Variants in SLC25A15 observed in about 807,000 individuals in gnomAD.
The protein encoded by SLC25A15 is solute carrier family 25 member 15, also known as mitochondrial ornithine transporter 1.
SLC25A15 carries 24 observed loss-of-function variants against 32.3 expected under a neutral mutation model. The observed-to-expected ratio is 0.74, with a 90% CI of 0.54 to 1.04. The LOEUF (loss-of-function observed/expected upper bound fraction) is 1.04, where lower values mean the gene tolerates loss of function less well. Ranked by LOEUF, SLC25A15 falls within the 50% of genes least tolerant of loss-of-function variation. SLC25A15 has a pLI of 0.00. For missense variants in SLC25A15, 317 were observed against 374.5 expected (o/e 0.85, Z 1.27); for synonymous variants, 132 against 142.1 (o/e 0.93, Z 0.51).
At chr13:40,800,412 A>G (rs940637181) in intron 3 of SLC25A15, among the ~76,000 whole-genome samples, 1 of 152,216 alleles carries the variant, frequency 6.6e-6, no homozygotes, top group Non-Finnish European at 1.5e-5. Flanking sequence ...GGCACAAACC[A>G]GGAGAGTATG....
chr13:40,793,432 C>G, intron 2 of SLC25A15, 151 bp downstream of exon 2: 1 of 752,782 alleles, frequency 1.3e-6, no homozygotes, highest in Non-Finnish European at 2.3e-6. Context: ...TTATAGTTGC[C>G]TGCAACATCC....
intron 2 of SLC25A15, among the ~76,000 whole-genome samples, chr13:40,797,826 T>C (rs925126814): frequency 4.7e-4 from 71 of 152,200 alleles, no homozygotes; most frequent in African/African-American, 1.5e-3. Flanking sequence ...CTGTAAGCCT[T>C]CTTTTGCATT....
chr13:40,797,391 C>T (rs1454453520), intron 2 of SLC25A15, among the ~76,000 whole-genome samples: 4 of 152,000 alleles, frequency 2.6e-5, no homozygotes, highest in African/African-American at 9.7e-5. Flanking sequence ...AATTACGCAC[C>T]CACTTAAAAC....
At chr13:40,805,074 G>C in intron 3 of SLC25A15, 44 bp from the exon 4 acceptor site, 6 of 1,612,836 alleles carry the variant, frequency 3.7e-6, no homozygotes, top group Non-Finnish European at 5.1e-6. Context: ...AGTGCCAAAG[G>C]AATGAAGAAA....
At chr13:40,794,070 G>A (rs1032865387) in intron 2 of SLC25A15, among the ~76,000 whole-genome samples, 2 of 152,236 alleles carry the variant, frequency 1.3e-5, no homozygotes, top group Non-Finnish European at 2.9e-5. Context: ...GCTGGGCGCA[G>A]TGGCTCACGC....
At chr13:40,805,013 C>T (rs2138053816) in intron 3 of SLC25A15, 105 bp from the exon 4 acceptor site, 1 of 1,378,148 alleles carries the variant, frequency 7.3e-7, no homozygotes, top group Non-Finnish European at 1.0e-6. Flanking sequence ...TTCATGCCCT[C>T]ACGCCCGGCT....
intron 2 of SLC25A15, among the ~76,000 whole-genome samples, chr13:40,794,172 C>G (rs1440585254): frequency 6.6e-6 from 1 of 152,184 alleles, no homozygotes; most frequent in African/African-American, 2.4e-5. Context: ...GAAACCCCGT[C>G]TCTTCTAAAA....
intron 3 of SLC25A15, among the ~76,000 whole-genome samples, chr13:40,803,566 A>G (rs1410694620): frequency 6.6e-6 from 1 of 152,208 alleles, no homozygotes; most frequent in East Asian, 1.9e-4. Context: ...TACTAAATCC[A>G]TACATGAGGT....
rs564967592 is a variant in SLC25A15 at position 40,811,148 on chromosome 13, A to G, written c.*1481A>G. 1.3e-5 allele frequency among the ~76,000 whole-genome samples: 2 copies of G among 152,380 alleles called. No homozygotes were observed. The highest frequency in any genetic ancestry group is 4.8e-5 in the African/African-American group (2 of 41,594). ...TGGTACTTGCAGTCAGTAAGTCTTA[A>G]TGATGACTGTATATGTGATATGAGT... On this transcript the variant is annotated 3_prime_UTR_variant, in exon 7 of 7. Coordinates refer to ENST00000338625, the MANE Select transcript of SLC25A15 (RefSeq NM_014252.4).
At chr13:40,790,252 TCTA>T (rs1881433018) in intron 1 of SLC25A15, among the ~76,000 whole-genome samples, 1 of 152,136 alleles carries the variant, frequency 6.6e-6, no homozygotes, top group South Asian at 2.1e-4. Flanking sequence ...TGCAGCCTCA[TCTA>T]CTGACTCTCC....
At chr13:40,804,811 G>A (rs1437041015) in intron 3 of SLC25A15, among the ~76,000 whole-genome samples, 9 of 151,794 alleles carry the variant, frequency 5.9e-5, no homozygotes, top group Non-Finnish European at 1.2e-4. Context: ...CGGCCTCCCA[G>A]AGTGCTGGGA....
At chr13:40,790,448 C>G (rs971175999) in intron 1 of SLC25A15, among the ~76,000 whole-genome samples, 3 of 152,184 alleles carry the variant, frequency 2.0e-5, no homozygotes, top group African/African-American at 4.8e-5. Flanking sequence ...AACAGTCTTG[C>G]CTCCTCCAAG....
chr13:40,798,810 G>A (rs1330408594), intron 2 of SLC25A15: 29 of 983,562 alleles, frequency 2.9e-5, no homozygotes, highest in Admixed American at 2.5e-4. Context: ...ACTGTTTGCC[G>A]CTGTTGAACA....
At chr13:40,799,460 G>A (rs1881799252) in intron 3 of SLC25A15, 145 bp downstream of exon 3, 4 of 914,042 alleles carry the variant, frequency 4.4e-6, no homozygotes, top group South Asian at 2.8e-5. Context: ...AAACCAGCCT[G>A]GGCAACACAG....
At chr13:40,790,866 C>T (rs573814978) in intron 1 of SLC25A15, among the ~76,000 whole-genome samples, 2 of 152,234 alleles carry the variant, frequency 1.3e-5, no homozygotes, top group South Asian at 4.1e-4. Flanking sequence ...GGATTACAGG[C>T]GTGAGCCACT....
rs111624853 is a variant in SLC25A15 at position 40,808,892 on chromosome 13, A to G, written c.781+296A>G. On this transcript the variant is annotated intron_variant, in intron 6 of 6. Transcript: ENST00000338625. ...GGAGCTTGCAGTGAGCTGAGATTGC[A>G]CCACTGCACTCCAGCCTGGGCAACA... 0.068 allele frequency among the ~76,000 whole-genome samples: 9,568 copies of G among 140,858 alleles called. 810 individuals are homozygous for G. Among genetic ancestry groups the G allele is most frequent in the African/African-American group, 0.2 (7,601 of 38,358 alleles). 92.4% of individuals were successfully genotyped at this position (140,858 alleles called of 152,430 possible). A position where few individuals can be genotyped will look rare whatever the true frequency, so the allele number is the denominator to read the frequency against.
chr13:40,792,708 C>T lies in SLC25A15; in HGVS notation c.-69-450C>T, dbSNP rs182599279. Among the ~76,000 whole-genome samples, 41 of 152,284 alleles carry T rather than the reference C, an allele frequency of 2.7e-4. No homozygotes were observed. In the Middle Eastern group the frequency reaches 0.01, roughly 38 times the overall value. Reference sequence around the variant, plus strand: ...CCAAGGCGTGTGTGATCCCAGGGTGCAGCTCCCACCCTTGGCTGCCTGGGT... The same window carrying T: ...CCAAGGCGTGTGTGATCCCAGGGTGTAGCTCCCACCCTTGGCTGCCTGGGT... On this transcript the variant is annotated intron_variant, in intron 1 of 6. Transcript: ENST00000338625.
intron 3 of SLC25A15, among the ~76,000 whole-genome samples, chr13:40,801,478 T>G (rs1162743907): frequency 6.6e-6 from 1 of 152,138 alleles, no homozygotes; most frequent in African/African-American, 2.4e-5. Context: ...GATGGAAAAC[T>G]GAGGTGCCGA....
At chr13:40,793,080 G>A in intron 1 of SLC25A15, 78 bp from the exon 2 acceptor site, 2 of 784,922 alleles carry the variant, frequency 2.5e-6, no homozygotes, top group Admixed American at 4.0e-5. Flanking sequence ...AGAAGTTTAG[G>A]TTCTGTAATT....
Sources: allele counts gnomAD v4.1 joint callset (sites outside exome capture counted in the v4.1 genomes callset), GRCh38; gene constraint gnomAD v4.1.1; transcripts MANE v1.5; gene names NCBI Gene and HGNC (gene_info 2026-07-23, HGNC 2026-07-21).